Variants in CFAP95 observed in about 807,000 individuals in gnomAD.
CFAP95 encodes the protein cilia- and flagella-associated protein 95.
chr9:69,889,211 AC>A, the CFAP95 span, among the ~76,000 whole-genome samples: 1 of 152,222 alleles, frequency 6.6e-6, no homozygotes, highest in African/African-American at 2.4e-5. Context: ...GTAAATACTA[AC>A]AAAAGGTCAT....
the CFAP95 span, among the ~76,000 whole-genome samples, chr9:69,850,757 A>G: frequency 0.049 from 7,486 of 152,258 alleles, 252 homozygotes; most frequent in East Asian, 0.15. Context: ...CTGTTGAGCT[A>G]GGGTCTCTTC....
the CFAP95 span, among the ~76,000 whole-genome samples, chr9:69,896,486 CA>C: frequency 6.6e-6 from 1 of 152,096 alleles, no homozygotes; most frequent in African/African-American, 2.4e-5. Flanking sequence ...TATTTCTATC[CA>C]CAGCCTAAAT....
the CFAP95 span, among the ~76,000 whole-genome samples, chr9:69,875,996 AT>A: frequency 2.5e-3 from 376 of 152,340 alleles, 1 homozygote; most frequent in African/African-American, 8.6e-3. Context: ...TATTACAATT[AT>A]AAATCACCAA....
the CFAP95 span, chr9:69,906,216 A>G: frequency 8.4e-7 from 1 of 1,197,180 alleles, no homozygotes; most frequent in South Asian, 1.6e-5. Context: ...AATAAATGCA[A>G]TGGAAGTGTT....
At chr9:69,881,317 A>C in the CFAP95 span, among the ~76,000 whole-genome samples, 1 of 152,206 alleles carries the variant, frequency 6.6e-6, no homozygotes. Flanking sequence ...TAAAGTCTTT[A>C]ATCCATTTTG....
chr9:69,890,428 C>G, the CFAP95 span, among the ~76,000 whole-genome samples: 1 of 152,164 alleles, frequency 6.6e-6, no homozygotes, highest in Non-Finnish European at 1.5e-5. Flanking sequence ...ACGTTTTTAG[C>G]GCTGCTTCTG....
At chr9:69,841,848 A>C in the CFAP95 span, among the ~76,000 whole-genome samples, 2 of 152,166 alleles carry the variant, frequency 1.3e-5, no homozygotes, top group Non-Finnish European at 2.9e-5. Flanking sequence ...CACTATCATG[A>C]GAACAGCATG....
the CFAP95 span, among the ~76,000 whole-genome samples, chr9:69,875,428 T>C: frequency 2.6e-5 from 4 of 152,248 alleles, no homozygotes; most frequent in Admixed American, 2.0e-4. Flanking sequence ...TTATTTTTAT[T>C]GATTTAAATA....
At chr9:69,897,373 A>T in the CFAP95 span, among the ~76,000 whole-genome samples, 1 of 152,182 alleles carries the variant, frequency 6.6e-6, no homozygotes, top group African/African-American at 2.4e-5. Context: ...TGCACTGACT[A>T]ATTTGGCCAG....
chr9:69,905,914 C>A, the CFAP95 span: 2 of 1,376,392 alleles, frequency 1.5e-6, no homozygotes. Context: ...TTTTTACATA[C>A]TTCAGTTATT....
the CFAP95 span, among the ~76,000 whole-genome samples, chr9:69,864,744 A>G: frequency 6.6e-6 from 1 of 152,156 alleles, no homozygotes; most frequent in African/African-American, 2.4e-5. Context: ...AGACATTAGC[A>G]TCTATAAAAC....
the CFAP95 span, among the ~76,000 whole-genome samples, chr9:69,875,283 A>G: frequency 6.6e-6 from 1 of 152,154 alleles, no homozygotes; most frequent in Non-Finnish European, 1.5e-5. Context: ...GCTGAAAGTC[A>G]TCATTCAATA....
the CFAP95 span, chr9:69,820,934 T>C: frequency 1.9e-6 from 3 of 1,613,840 alleles, no homozygotes; most frequent in Middle Eastern, 1.7e-4. Flanking sequence ...GCAACACTGG[T>C]TGGAGATCGG....
the CFAP95 span, among the ~76,000 whole-genome samples, chr9:69,877,730 G>C: frequency 2.0e-5 from 3 of 152,144 alleles, no homozygotes; most frequent in South Asian, 6.2e-4. Flanking sequence ...ATCCATGGAA[G>C]ATGATGATTT....
the CFAP95 span, among the ~76,000 whole-genome samples, chr9:69,843,285 C>A: frequency 1.3e-5 from 2 of 151,924 alleles, no homozygotes; most frequent in African/African-American, 2.4e-5. Flanking sequence ...ACAATTCTAG[C>A]CCTGTATCCC....
At chr9:69,896,287 C>A in the CFAP95 span, among the ~76,000 whole-genome samples, 1 of 152,154 alleles carries the variant, frequency 6.6e-6, no homozygotes, top group African/African-American at 2.4e-5. Context: ...TAGAAACAAA[C>A]AAATATATCA....
At chr9:69,869,045 TG>T in the CFAP95 span, among the ~76,000 whole-genome samples, 1 of 152,272 alleles carries the variant, frequency 6.6e-6, no homozygotes, top group African/African-American at 2.4e-5. Flanking sequence ...ACACTGTTGG[TG>T]GGTGTGTAAA....
chr9:69,846,641 C>G, the CFAP95 span, among the ~76,000 whole-genome samples: 4 of 152,142 alleles, frequency 2.6e-5, no homozygotes, highest in Non-Finnish European at 4.4e-5. Flanking sequence ...ATGACTCACC[C>G]AAGGTCCCAA....
At chr9:69,870,484 T>G in the CFAP95 span, among the ~76,000 whole-genome samples, 12 of 152,222 alleles carry the variant, frequency 7.9e-5, no homozygotes, top group Non-Finnish European at 1.6e-4. Context: ...TCTTTTTGTG[T>G]TTCTTCTTTA....
Sources: gnomAD v4.1 joint callset for allele counts (sites outside exome capture counted in the v4.1 genomes callset) on GRCh38, gnomAD v4.1.1 for gene constraint, MANE v1.5 for transcripts, NCBI Gene and HGNC (gene_info 2026-07-23, HGNC 2026-07-21) for gene names.